The following CRACDL variants were observed in gnomAD, a reference collection of about 807,000 sequenced individuals.
CRACDL encodes CRACD like, also known as CRACD-like protein.
A neutral mutation model predicts 70.6 loss-of-function variants in CRACDL; 26 were observed. The ratio of observed to expected loss-of-function variants is 0.37; its 90% CI spans 0.27 to 0.51. The LOEUF is 0.51. Ranked by LOEUF, CRACDL falls within the 20% of genes least tolerant of loss-of-function variation. CRACDL has a pLI of 0.94. For synonymous variants in CRACDL, 618 were observed against 615.2 expected (o/e 1.00, Z -0.07); for missense variants, 1,283 against 1,376.9 (o/e 0.93, Z 1.08).
chr2:98,864,840 C>G (rs1157614000), intron 1 of CRACDL, among the ~76,000 whole-genome samples: 1 of 152,198 alleles, frequency 6.6e-6, no homozygotes, highest in African/African-American at 2.4e-5. Flanking sequence ...AACCACTGCG[C>G]CTGGCCTGAT....
intron 1 of CRACDL, among the ~76,000 whole-genome samples, chr2:98,911,927 A>T (rs1708556399): frequency 6.6e-6 from 1 of 152,298 alleles, no homozygotes; most frequent in South Asian, 2.1e-4. Context: ...CAGCCTCTAG[A>T]GATGTGTTTT....
At chr2:98,929,411 C>A (rs1467639617) in intron 1 of CRACDL, among the ~76,000 whole-genome samples, 1 of 152,162 alleles carries the variant, frequency 6.6e-6, no homozygotes, top group Non-Finnish European at 1.5e-5. Flanking sequence ...TGTAATCAGA[C>A]CAAGAGCCCA....
chr2:98,823,298 C>A lies in CRACDL; in HGVS notation c.975G>T (p.Gly325=). 2.1e-6 allele frequency: 3 copies of A among 1,426,216 alleles called. No homozygotes were observed. Among genetic ancestry groups the A allele is most frequent in the Admixed American group, 3.0e-5 (1 of 32,802 alleles). 88.3% of individuals were successfully genotyped at this position (1,426,216 alleles called of 1,614,324 possible). The change falls in exon 7 of 10, where the codon GGG becomes GGT. Residue 325 remains glycine (G), a synonymous_variant. Coordinates refer to ENST00000397899, the MANE Select transcript of CRACDL (RefSeq NM_207362.3). This position sits in a 1 kb window ranked among gnomAD's most constrained non-coding sequence, Gnocchi z 4.0. ...SSALTASVEE[G]GVPGEDPSSR... is the part of the protein sequence containing the mutation. ...TTGAGGGGTCCTCCCCGGGGACGCCCCCCTCCTCCACGCTGGCCGTGAGCG... is the reference window on the plus strand; with the variant it reads ...TTGAGGGGTCCTCCCCGGGGACGCCACCCTCCTCCACGCTGGCCGTGAGCG...
chr2:98,917,394 C>G (rs1383678156), intron 1 of CRACDL, among the ~76,000 whole-genome samples: 2 of 152,192 alleles, frequency 1.3e-5, no homozygotes, highest in Non-Finnish European at 2.9e-5. Context: ...TTTGAGACAT[C>G]CTGCCAAACT....
intron 1 of CRACDL, among the ~76,000 whole-genome samples, chr2:98,865,702 A>G (rs1163297089): frequency 6.6e-6 from 1 of 151,890 alleles, no homozygotes; most frequent in African/African-American, 2.4e-5. Flanking sequence ...TCAAAAGCAG[A>G]GGGACTTGAC....
intron 7 of CRACDL, among the ~76,000 whole-genome samples, chr2:98,816,247 C>A (rs1321243430): frequency 1.3e-5 from 2 of 152,216 alleles, no homozygotes; most frequent in African/African-American, 4.8e-5. Flanking sequence ...CTGATACTCA[C>A]TTTATGCATT....
chr2:98,935,895 C>G (rs528480886), intron 1 of CRACDL, 43 bp downstream of exon 1: 18 of 152,368 alleles, frequency 1.2e-4, no homozygotes, highest in African/African-American at 4.3e-4. Flanking sequence ...GCCTTCGACC[C>G]ACGCCTGCCT....
Position 98,823,514 on chromosome 2 carries a change from G to A in CRACDL, c.759C>T (p.Ser253=). 6.3e-7 allele frequency: 1 copy of A among 1,590,000 alleles called. No homozygotes were observed. Among genetic ancestry groups the A allele is most frequent in the Non-Finnish European group, 8.5e-7 (1 of 1,175,752 alleles). The change falls in exon 7 of 10, where the codon AGC becomes AGT. Residue 253 remains serine, a synonymous_variant. Coordinates refer to ENST00000397899, the MANE Select transcript of CRACDL (RefSeq NM_207362.3). This position sits in a 1 kb window ranked among gnomAD's most constrained non-coding sequence, Gnocchi z 4.0. ...CCTCCTCTGGGGTGCACGTCAGGTC[G>A]CTCAGGGATTCAGACTGAGCGCGCT... The part of the protein sequence containing the change: ...LSSRAQSESL[S]DLTCTPEEEE...
Position 98,838,165 on chromosome 2 carries a change from C to A in CRACDL, c.193G>T (p.Ala65Ser). The A allele has an allele frequency of 6.2e-7, 1 of 1,613,934 alleles. No homozygotes were observed. Among genetic ancestry groups the A allele is most frequent in the Non-Finnish European group, 8.5e-7 (1 of 1,179,916 alleles). Residue 65 changes from alanine to serine, a missense_variant, in exon 3 of 10, where the codon GCC (alanine) becomes TCC (serine). Coordinates refer to ENST00000397899, the MANE Select transcript of CRACDL (RefSeq NM_207362.3). ...KQSQTRNEVI[A>S]IESGPVGYDS... ...TAGCCCACTGGCCCGGATTCGATGG[C>A]AATGACCTCATTCCTCGTCTGACTT...
At chr2:98,865,798 CTTTTTTTTTTT>C (rs1157009185) in intron 1 of CRACDL, among the ~76,000 whole-genome samples, 1 of 134,418 alleles carries the variant, frequency 7.4e-6, no homozygotes, top group African/African-American at 2.7e-5. Context: ...GGACTTTCTG[CTTTTTTTTTTT>C]TTTTTTTTGA....
intron 1 of CRACDL, among the ~76,000 whole-genome samples, chr2:98,894,415 G>A (rs1708063800): frequency 6.6e-6 from 1 of 152,218 alleles, no homozygotes; most frequent in South Asian, 2.1e-4. Context: ...AGGCTGGGCA[G>A]AGTGGCCATA....
chr2:98,933,692 A>G (rs954617440), intron 1 of CRACDL, among the ~76,000 whole-genome samples: 8 of 152,160 alleles, frequency 5.3e-5, no homozygotes, highest in Non-Finnish European at 8.8e-5. Context: ...CAAGGTAGCT[A>G]AGTCAAATCC....
rs369236357 is a variant in CRACDL at position 98,805,121 on chromosome 2, T to A, written c.2417-7584A>T. ...AGCCACCATGGTCCACAATCAGGAA[T>A]GAGTTCCAGAGCCTGCTGAAAGGGG... is the stretch of plus-strand genomic sequence containing the variant. On this transcript the variant is annotated intron_variant, in intron 7 of 9. Coordinates refer to ENST00000397899, the MANE Select transcript of CRACDL (RefSeq NM_207362.3). Among the ~76,000 whole-genome samples the A allele has an allele frequency of 1.8e-3, 275 of 152,224 alleles. 2 individuals are homozygous for A. Among genetic ancestry groups the A allele is most frequent in the Middle Eastern group, 0.017 (5 of 294 alleles).
chr2:98,794,656 A>G lies in CRACDL; in HGVS notation c.2765T>C (p.Met922Thr), dbSNP rs774086007. 5.0e-6 allele frequency: 8 copies of G among 1,613,542 alleles called. No homozygotes were observed. The South Asian group carries it at 8.8e-5, about 18-fold the overall frequency. ...SHQNLAQSAVMMEKELHQLKR... is the reference protein window; with the variant it reads ...SHQNLAQSAVTMEKELHQLKR... Reference sequence around the variant, plus strand: ...CAGCTGATGCAGTTCCTTCTCCATCATCACTGCAGACTGAGCTGCTTGGAA... The same window carrying G: ...CAGCTGATGCAGTTCCTTCTCCATCGTCACTGCAGACTGAGCTGCTTGGAA... Residue 922 changes from methionine to threonine, a missense_variant, in exon 10 of 10, where the codon ATG becomes ACG. This residue lies in a region of CRACDL where 921 missense variants were observed against 881.9 expected (regional missense o/e 1.04). Transcript: ENST00000397899.
At chr2:98,807,135 G>A (rs550000127) in intron 7 of CRACDL, among the ~76,000 whole-genome samples, 1 of 152,308 alleles carries the variant, frequency 6.6e-6, no homozygotes, top group African/African-American at 2.4e-5. Context: ...GGACCACAGA[G>A]TCTTATGGAA....
intron 7 of CRACDL, among the ~76,000 whole-genome samples, chr2:98,817,350 T>C (rs564870383): frequency 4.3e-4 from 66 of 152,330 alleles, no homozygotes; most frequent in African/African-American, 1.5e-3. Context: ...GTCAATCTCA[T>C]GTTATGTGTT....
intron 1 of CRACDL, among the ~76,000 whole-genome samples, chr2:98,916,633 AAT>A (rs1256686322): frequency 2.6e-5 from 4 of 152,028 alleles, no homozygotes; most frequent in African/African-American, 9.7e-5. Flanking sequence ...CCCACACATA[AAT>A]ATCATTTTTT....
intron 1 of CRACDL, among the ~76,000 whole-genome samples, chr2:98,862,901 T>C (rs1446440264): frequency 2.0e-5 from 3 of 152,146 alleles, no homozygotes; most frequent in Non-Finnish European, 2.9e-5. Context: ...CTTTCCAAAT[T>C]TGATGAAATA....
chr2:98,933,956 G>C (rs569760958), intron 1 of CRACDL, among the ~76,000 whole-genome samples: 1 of 152,132 alleles, frequency 6.6e-6, no homozygotes, highest in Admixed American at 6.5e-5. Flanking sequence ...CATAGAAGGC[G>C]CCTCCTCACA....
Sources: allele counts gnomAD v4.1 joint callset (sites outside exome capture counted in the v4.1 genomes callset), GRCh38; gene constraint gnomAD v4.1.1; regional missense constraint gnomAD v4.1.1; non-coding constraint Gnocchi (gnomAD v3.1); transcripts MANE v1.5; gene names NCBI Gene and HGNC (gene_info 2026-07-23, HGNC 2026-07-21).